The following ZNF251 variants were observed in gnomAD, a reference collection of about 807,000 sequenced individuals.
ZNF251 encodes the protein zinc finger protein 251.
In ZNF251, 14 loss-of-function variants were observed where a neutral mutation model predicts 13.5. That is an observed-to-expected ratio of 1.04 (90% CI 0.69 to 1.63). The LOEUF (loss-of-function observed/expected upper bound fraction) is 1.63. Among genes scored for constraint, ZNF251 ranks in the 40% most tolerant of loss-of-function variants. ZNF251 has a pLI of 0.00. For synonymous variants in ZNF251, 287 were observed against 295.2 expected, an observed-to-expected ratio of 0.97 and a Z score of 0.28; for missense variants, 764 against 834.9, an observed-to-expected ratio of 0.92 and a Z score of 1.05.
chr8:144,755,018 G>A, intron 1 of ZNF251: 1 of 1,381,926 alleles, frequency 7.2e-7, no homozygotes, highest in Non-Finnish European at 9.3e-7. Context: ...CGGCTAAGGG[G>A]TGAAAGCTGG....
At position 144,722,463 on chromosome 8, in the gene ZNF251, A is replaced by G. The variant is rs1563753357; in HGVS notation, c.1197T>C (p.His399=). The change falls in exon 5 of 5, where the codon CAT becomes CAC. Residue 399 remains histidine (H), a synonymous_variant. Coordinates refer to ENST00000292562, the MANE Select transcript of ZNF251 (RefSeq NM_138367.2). This position sits in a 1 kb window ranked among gnomAD's most constrained non-coding sequence, Gnocchi z 4.8. ...SSSLFLHHRV[H]TGEKPYVCNE... is the part of the protein sequence containing the mutation. ...TACATACATAGGGTTTCTCTCCAGTATGAACCCGATGATGGAGGAAAAGGC... is the reference window on the plus strand; with the variant it reads ...TACATACATAGGGTTTCTCTCCAGTGTGAACCCGATGATGGAGGAAAAGGC... 8 of 1,613,334 alleles carry G rather than the reference A, an allele frequency of 5.0e-6. No homozygotes were observed. Among genetic ancestry groups the G allele is most frequent in the African/African-American group, 1.3e-5 (1 of 74,762 alleles).
At chr8:144,749,114 A>C (rs13259406) in intron 4 of ZNF251, among the ~76,000 whole-genome samples, 1 of 151,898 alleles carries the variant, frequency 6.6e-6, no homozygotes, top group Non-Finnish European at 1.5e-5. Flanking sequence ...GCCATGAGTC[A>C]TGATCAAGCT....
chr8:144,737,644 AAC>A lies in ZNF251; in HGVS notation c.278-14264_278-14263del, dbSNP rs374075050. Among the ~76,000 whole-genome samples, 93 of 152,068 alleles carry A rather than the reference AAC, an allele frequency of 6.1e-4. 1 individual carries two copies. The East Asian group carries it at 0.016, about 26-fold the overall frequency. On this transcript the variant is annotated intron_variant, in intron 4 of 4. Coordinates refer to ENST00000292562, the MANE Select transcript of ZNF251 (RefSeq NM_138367.2). ...TCAGGAGATCGAGACCATCCTGGCTAACACGGTGAAACCCCGTCTCTACTAAA... is the reference window on the plus strand; with the variant it reads ...TCAGGAGATCGAGACCATCCTGGCTAACGGTGAAACCCCGTCTCTACTAAA...
At position 144,721,976 on chromosome 8, in the gene ZNF251, C is replaced by T; in HGVS notation, c.1684G>A (p.Gly562Ser). 6.5e-7 allele frequency: 1 copy of T among 1,534,550 alleles called. No individual in the cohort carries two copies. The highest frequency in any genetic ancestry group is 8.8e-7 in the Non-Finnish European group (1 of 1,140,748). ...TCATTACATCCAAAGGATTTCTCAC[C>T]AGTGTGAACTGTCCAGCGCAGAATG... is the stretch of plus-strand genomic sequence containing the variant. Reference protein sequence around the residue: ...NLILRWTVHTGEKSFGCNEYG... With the variant: ...NLILRWTVHTSEKSFGCNEYG... Residue 562 changes from glycine to serine, a missense_variant, in exon 5 of 5, where the codon GGT becomes AGT. By Grantham distance (56) the Gly-to-Ser change is moderately conservative. Transcript: ENST00000292562.
intron 4 of ZNF251, chr8:144,753,428 A>G (rs1405604750): frequency 2.4e-6 from 1 of 416,596 alleles, no homozygotes. Flanking sequence ...TGAAGTTGTT[A>G]TCAAGGTAAA....
intron 4 of ZNF251, among the ~76,000 whole-genome samples, chr8:144,740,965 C>A (rs939871249): frequency 1.3e-5 from 2 of 151,830 alleles, no homozygotes; most frequent in African/African-American, 4.8e-5. Flanking sequence ...AAAAAAAAAC[C>A]CCCAAAAATA....
At position 144,732,790 on chromosome 8, in the gene ZNF251, C is replaced by T. The variant is rs377126285; in HGVS notation, c.278-9408G>A. ...TCGCACCACTGCACTCCAGCCTGGG[C>T]GACAGAGCGAGACTCCGTCTCAAAA... On this transcript the variant is annotated intron_variant, in intron 4 of 4. Coordinates refer to ENST00000292562, the MANE Select transcript of ZNF251 (RefSeq NM_138367.2). 8.3e-3 allele frequency among the ~76,000 whole-genome samples: 1,107 copies of T among 134,028 alleles called. 8 individuals carry two copies. The highest frequency in any genetic ancestry group is 0.012 in the African/African-American group (423 of 35,338). 87.9% of individuals were successfully genotyped at this position (134,028 alleles called of 152,430 possible). A position where few individuals can be genotyped will look rare whatever the true frequency, so the allele number is the denominator to read the frequency against.
Position 144,722,367 on chromosome 8 carries a change from T to G in ZNF251, c.1293A>C (p.Lys431Asn). The G allele has an allele frequency of 6.2e-7, 1 of 1,613,766 alleles. No homozygotes were observed. The highest frequency in any genetic ancestry group is 8.5e-7 in the Non-Finnish European group (1 of 1,179,834). ...TGCCGCACTCATTACAAACATAGGG[T>G]TTTTCTCCTGTGTGAATCCTTACGT... ...TEHVRIHTGE[K>N]PYVCNECGKA... Residue 431 changes from lysine to asparagine, a missense_variant, in exon 5 of 5, where the codon AAA (lysine) becomes AAC (asparagine). Lys to Asn is a moderately conservative substitution (Grantham distance 94). Coordinates refer to ENST00000292562, the MANE Select transcript of ZNF251 (RefSeq NM_138367.2). The surrounding 1 kb of genome is among the most constrained non-coding windows in gnomAD (Gnocchi z 4.8).
rs753136118 is a variant in ZNF251 at position 144,755,413 on chromosome 8, T to C, written c.-84A>G. 14 of 1,288,256 alleles carry C rather than the reference T, an allele frequency of 1.1e-5. No individual in the cohort carries two copies. In the South Asian group the frequency reaches 1.7e-4, roughly 16 times the overall value. 79.8% of individuals were successfully genotyped at this position (1,288,256 alleles called of 1,614,324 possible). A position where few individuals can be genotyped will look rare whatever the true frequency, so the allele number is the denominator to read the frequency against. Reference sequence around the variant, plus strand: ...GTCCGACACTGCCCCACCTGTTTGCTCGACCCGGGGAAGCCACCGAGGAAG... The same window carrying C: ...GTCCGACACTGCCCCACCTGTTTGCCCGACCCGGGGAAGCCACCGAGGAAG... On this transcript the variant is annotated 5_prime_UTR_variant, in exon 1 of 5. Coordinates refer to ENST00000292562, the MANE Select transcript of ZNF251 (RefSeq NM_138367.2).
chr8:144,726,827 G>A (rs188766803), intron 4 of ZNF251, among the ~76,000 whole-genome samples: 7 of 152,118 alleles, frequency 4.6e-5, no homozygotes, highest in Admixed American at 2.6e-4. Context: ...CCGAGATCGC[G>A]CCACTGCACT....
At chr8:144,728,640 G>GC (rs1823591854) in intron 4 of ZNF251, among the ~76,000 whole-genome samples, 2 of 146,864 alleles carry the variant, frequency 1.4e-5, no homozygotes, top group African/African-American at 5.2e-5. Context: ...TCCAGTCTGG[G>GC]CGACAGAGCA....
At chr8:144,724,162 TGAACCCAGGAGGCGGAGC>T (rs1823450524) in intron 4 of ZNF251, among the ~76,000 whole-genome samples, 1 of 145,666 alleles carries the variant, frequency 6.9e-6, no homozygotes, top group South Asian at 2.1e-4. Flanking sequence ...GAGAATGGCG[TGAACCCAGGAGGCGGAGC>T]GAACCCGGGA....
Position 144,754,192 on chromosome 8 carries a change from C to T in ZNF251, c.163G>A (p.Gly55Arg). The change falls in exon 3 of 5, where the codon GGA becomes AGA. Residue 55 changes from glycine (G) to arginine (R), a missense_variant and splice_region_variant. Transcript: ENST00000292562. Reference sequence around the variant, plus strand: ...CCAGGCCAAGTGCAGAGAGCCTCACCCAGAGAGGCCACGTTCCCATAGTTC... The same window carrying T: ...CCAGGCCAAGTGCAGAGAGCCTCACTCAGAGAGGCCACGTTCCCATAGTTC... Reference protein sequence around the residue: ...LENYGNVASLGFPVPKPELIS... With the variant: ...LENYGNVASLRFPVPKPELIS... 6.2e-7 allele frequency: 1 copy of T among 1,612,566 alleles called. No homozygotes were observed. Among genetic ancestry groups the T allele is most frequent in the Non-Finnish European group, 8.5e-7 (1 of 1,179,012 alleles).
At chr8:144,733,360 T>C (rs754865444) in intron 4 of ZNF251, among the ~76,000 whole-genome samples, 25 of 152,360 alleles carry the variant, frequency 1.6e-4, no homozygotes, top group Non-Finnish European at 2.2e-4. Flanking sequence ...GGGCAAGATG[T>C]TGAGACCCCA....
intron 4 of ZNF251, among the ~76,000 whole-genome samples, chr8:144,751,585 T>A (rs1824694836): frequency 6.6e-6 from 1 of 151,914 alleles, no homozygotes; most frequent in South Asian, 2.1e-4. Flanking sequence ...AAGCAAATAA[T>A]AAAATTTAAA....
intron 2 of ZNF251, 61 bp from the exon 3 acceptor site, chr8:144,754,382 G>A: frequency 2.6e-6 from 4 of 1,510,964 alleles, no homozygotes; most frequent in South Asian, 1.3e-5. Context: ...TGCACTAAAA[G>A]GGCCCTGACC....
intron 4 of ZNF251, among the ~76,000 whole-genome samples, chr8:144,726,745 C>CTG (rs1369571311): frequency 3.3e-5 from 5 of 152,060 alleles, no homozygotes; most frequent in Non-Finnish European, 5.9e-5. Context: ...TGGCAGGTGC[C>CTG]TGTAGTCCCA....
At chr8:144,735,706 C>T (rs895559270) in intron 4 of ZNF251, among the ~76,000 whole-genome samples, 1 of 152,182 alleles carries the variant, frequency 6.6e-6, no homozygotes, top group African/African-American at 2.4e-5. Context: ...TGACAACAGC[C>T]AGAGCTCACT....
chr8:144,730,057 C>G (rs1823648390), intron 4 of ZNF251: 2 of 985,480 alleles, frequency 2.0e-6, no homozygotes, highest in Non-Finnish European at 2.4e-6. Context: ...ACTCACTGTG[C>G]AGCTGTATGG....
Sources: gnomAD v4.1 joint callset for allele counts (sites outside exome capture counted in the v4.1 genomes callset) on GRCh38, gnomAD v4.1.1 for gene constraint, Gnocchi (gnomAD v3.1) non-coding constraint, MANE v1.5 for transcripts, NCBI Gene and HGNC (gene_info 2026-07-23, HGNC 2026-07-21) for gene names.